Variants in HPSE2 observed in about 807,000 individuals in gnomAD.
The protein encoded by HPSE2 is inactive heparanase-2.
In HPSE2, 38 loss-of-function variants were observed where a neutral mutation model predicts 60.5. The ratio of observed to expected loss-of-function variants is 0.63; its 90% confidence interval spans 0.48 to 0.82. The LOEUF (loss-of-function observed/expected upper bound fraction) is 0.82, where lower values mean the gene tolerates loss of function less well. Ranked by LOEUF, HPSE2 falls within the 40% of genes least tolerant of loss-of-function variation. The pLI is 0.00. For synonymous variants in HPSE2, 295 were observed against 293.2 expected, an observed-to-expected ratio of 1.01 and a Z score of -0.06; for missense variants, 713 against 740.4, an observed-to-expected ratio of 0.96 and a Z score of 0.43.
intron 7 of HPSE2, among the ~76,000 whole-genome samples, chr10:98,621,461 G>A (rs568293540): frequency 1.1e-4 from 16 of 152,238 alleles, no homozygotes; most frequent in African/African-American, 1.7e-4. Context: ...TTGTATACTG[G>A]GTAGCCCCTA....
intron 3 of HPSE2, among the ~76,000 whole-genome samples, chr10:99,085,601 A>G (rs1843288854): frequency 1.3e-5 from 2 of 152,192 alleles, no homozygotes; most frequent in Admixed American, 1.3e-4. Context: ...TGGGTAAGGA[A>G]TCATATTTAT....
At chr10:98,517,267 T>C (rs1942633856) in intron 9 of HPSE2, among the ~76,000 whole-genome samples, 1 of 152,040 alleles carries the variant, frequency 6.6e-6, no homozygotes, top group Non-Finnish European at 1.5e-5. Context: ...CCTATGTCAG[T>C]AGCACACCCC....
intron 3 of HPSE2, among the ~76,000 whole-genome samples, chr10:98,803,754 A>G (rs111352348): frequency 1.3e-4 from 20 of 151,030 alleles, no homozygotes; most frequent in South Asian, 2.1e-4. Flanking sequence ...GTCAGGTAGC[A>G]TGATGCCTCC....
chr10:99,131,122 C>T (rs1418551), intron 3 of HPSE2, among the ~76,000 whole-genome samples: 122,150 of 152,192 alleles, frequency 0.8, 51,236 homozygotes, highest in South Asian at 0.94. Context: ...GAAAAAGCAG[C>T]TGAGGAAATC....
intron 3 of HPSE2, among the ~76,000 whole-genome samples, chr10:99,044,962 A>G (rs1203293919): frequency 6.6e-6 from 1 of 152,110 alleles, no homozygotes; most frequent in African/African-American, 2.4e-5. Flanking sequence ...AGATCAAGGC[A>G]GAAAACTTAC....
At chr10:98,690,555 AAAT>A (rs987926918) in intron 6 of HPSE2, among the ~76,000 whole-genome samples, 1 of 152,122 alleles carries the variant, frequency 6.6e-6, no homozygotes, top group African/African-American at 2.4e-5. Flanking sequence ...AAATAAATAA[AAAT>A]AATAATAATA....
chr10:99,009,018 C>T (rs969762473), intron 3 of HPSE2, among the ~76,000 whole-genome samples: 3 of 151,998 alleles, frequency 2.0e-5, no homozygotes, highest in Admixed American at 2.0e-4. Flanking sequence ...AAAAACTTTG[C>T]AACAGTTGAG....
At chr10:98,551,851 A>G (rs1158321091) in intron 9 of HPSE2, among the ~76,000 whole-genome samples, 1 of 152,148 alleles carries the variant, frequency 6.6e-6, no homozygotes, top group Non-Finnish European at 1.5e-5. Context: ...TATAAACATC[A>G]TCTAAGGTGC....
chr10:99,132,108 G>A (rs1433062423), intron 3 of HPSE2, among the ~76,000 whole-genome samples: 11 of 145,550 alleles, frequency 7.6e-5, no homozygotes, highest in East Asian at 2.0e-4. Context: ...GGGAAATTCC[G>A]TCTTAAAAAA....
At chr10:98,753,329 G>C (rs1482442806) in intron 3 of HPSE2, among the ~76,000 whole-genome samples, 2 of 151,918 alleles carry the variant, frequency 1.3e-5, no homozygotes, top group Non-Finnish European at 2.9e-5. Flanking sequence ...AGCCTCTGTG[G>C]AAAACAGTGG....
chr10:99,307,484 T>C, the HPSE2 span, among the ~76,000 whole-genome samples: 4 of 152,116 alleles, frequency 2.6e-5, no homozygotes, highest in African/African-American at 9.7e-5. Context: ...GGAGGAGAAG[T>C]AGACACCAAG....
intron 2 of HPSE2, among the ~76,000 whole-genome samples, chr10:99,172,666 T>C (rs1391345407): frequency 6.6e-6 from 1 of 152,062 alleles, no homozygotes; most frequent in Non-Finnish European, 1.5e-5. Flanking sequence ...TCACCTGAGG[T>C]CAGAAGTTCC....
intron 6 of HPSE2, 38 bp from the exon 7 acceptor site, chr10:98,641,978 A>C: frequency 9.7e-6 from 15 of 1,538,670 alleles, no homozygotes; most frequent in Non-Finnish European, 1.3e-5. Flanking sequence ...ATAAAATCTC[A>C]AGCAAGGGAT....
At chr10:99,003,611 T>C (rs946906236) in intron 3 of HPSE2, among the ~76,000 whole-genome samples, 2 of 152,140 alleles carry the variant, frequency 1.3e-5, no homozygotes, top group East Asian at 3.9e-4. Flanking sequence ...TGTATGCCTG[T>C]TGGCCATTTT....
intron 3 of HPSE2, among the ~76,000 whole-genome samples, chr10:98,969,810 A>G (rs1271437949): frequency 6.6e-6 from 1 of 152,154 alleles, no homozygotes; most frequent in Non-Finnish European, 1.5e-5. Context: ...TAATTGGCTC[A>G]TAGTTCTGTA....
chr10:98,637,771 C>A (rs1232701170), intron 7 of HPSE2, among the ~76,000 whole-genome samples: 1 of 152,164 alleles, frequency 6.6e-6, no homozygotes, highest in African/African-American at 2.4e-5. Flanking sequence ...TAGGACTTCA[C>A]TTCTACAAAG....
intron 3 of HPSE2, among the ~76,000 whole-genome samples, chr10:99,136,985 G>A (rs572047638): frequency 6.6e-6 from 1 of 152,290 alleles, no homozygotes; most frequent in East Asian, 1.9e-4. Flanking sequence ...TGTATATTTA[G>A]AAAACCCCAT....
the HPSE2 span, among the ~76,000 whole-genome samples, chr10:99,302,726 T>C: frequency 6.6e-6 from 1 of 151,734 alleles, no homozygotes; most frequent in African/African-American, 2.4e-5. Context: ...TCAAATTAGG[T>C]TTTCAAATCT....
At chr10:99,233,691 G>T (rs1326981746) in intron 1 of HPSE2, among the ~76,000 whole-genome samples, 1 of 152,208 alleles carries the variant, frequency 6.6e-6, no homozygotes, top group Non-Finnish European at 1.5e-5. Flanking sequence ...CTCTGCTTTT[G>T]GAGAGTTTTT....
Sources: allele counts gnomAD v4.1 joint callset (sites outside exome capture counted in the v4.1 genomes callset), GRCh38; gene constraint gnomAD v4.1.1; transcripts MANE v1.5; gene names NCBI Gene and HGNC (gene_info 2026-07-23, HGNC 2026-07-21).